BBS9: variants seen among roughly 807,000 people sequenced by gnomAD.
BBS9 encodes the protein protein PTHB1.
BBS9 carries 89 observed loss-of-function variants against 117.7 expected under a neutral mutation model. That is an observed-to-expected ratio of 0.76 (90% CI 0.64 to 0.90). The LOEUF is 0.90. Ranked by LOEUF, BBS9 falls within the 40% of genes least tolerant of loss-of-function variation. The pLI is 0.00. For missense variants in BBS9, 982 were observed against 1,042.2 expected (o/e 0.94, Z 0.80); for synonymous variants, 379 against 370.9 (o/e 1.02, Z -0.25).
chr7:33,603,704 A>G (rs1424035059), intron 21 of BBS9, among the ~76,000 whole-genome samples: 1 of 152,080 alleles, frequency 6.6e-6, no homozygotes, highest in Non-Finnish European at 1.5e-5. Flanking sequence ...ATTTTCGGGT[A>G]TGGCTGGGCA....
intron 5 of BBS9, among the ~76,000 whole-genome samples, chr7:33,226,773 A>G (rs75904557): frequency 0.028 from 4,314 of 152,280 alleles, 155 homozygotes; most frequent in African/African-American, 0.077. Flanking sequence ...TGTTAAGTGA[A>G]ATAAGCCAGT....
At chr7:33,408,569 C>T (rs544523329) in intron 19 of BBS9, among the ~76,000 whole-genome samples, 20 of 152,186 alleles carry the variant, frequency 1.3e-4, no homozygotes, top group South Asian at 6.2e-4. Context: ...TGTTCCTATT[C>T]GGCCATCTTG....
At chr7:33,493,061 C>G (rs1844233579) in intron 19 of BBS9, among the ~76,000 whole-genome samples, 1 of 152,044 alleles carries the variant, frequency 6.6e-6, no homozygotes, top group East Asian at 1.9e-4. Flanking sequence ...GTGGTGCATT[C>G]TTGGCTCACT....
rs554504837 is a variant in BBS9 at position 33,534,203 on chromosome 7, T to A, written c.2521+27T>A. On this transcript the variant is annotated intron_variant, in intron 21 of 22. Transcript: ENST00000242067. The stretch of plus-strand genomic sequence containing the variant: ...TAAGAGCTCTGTCCATGCTCCCTAA[T>A]CACAATTGTACTTCTCCTAAATTAG... 19 of 1,599,594 alleles carry A rather than the reference T, an allele frequency of 1.2e-5. No homozygotes were observed. The African/African-American group carries it at 1.2e-4, about 10-fold the overall frequency.
At chr7:33,439,054 A>G (rs975833124) in intron 19 of BBS9, among the ~76,000 whole-genome samples, 35 of 152,176 alleles carry the variant, frequency 2.3e-4, no homozygotes, top group Admixed American at 2.2e-3. Context: ...CAAACAGCCA[A>G]AAATGCCTGT....
chr7:33,344,150 C>T (rs1202059019), intron 11 of BBS9, among the ~76,000 whole-genome samples: 7 of 130,268 alleles, frequency 5.4e-5, no homozygotes, highest in Non-Finnish European at 9.3e-5. Flanking sequence ...GGCGTGATCT[C>T]GGCTCACTGC....
At chr7:33,502,452 G>A (rs1845589692) in intron 19 of BBS9, among the ~76,000 whole-genome samples, 4 of 152,106 alleles carry the variant, frequency 2.6e-5, no homozygotes, top group Admixed American at 1.3e-4. Flanking sequence ...GGATACAATA[G>A]GCATAAATAA....
intron 5 of BBS9, among the ~76,000 whole-genome samples, chr7:33,180,310 C>T (rs1030923264): frequency 6.6e-6 from 1 of 152,030 alleles, no homozygotes; most frequent in African/African-American, 2.4e-5. Context: ...CTCACCATTG[C>T]TCCATCTGCA....
chr7:33,297,157 G>T (rs967580089), intron 9 of BBS9, among the ~76,000 whole-genome samples: 5 of 152,098 alleles, frequency 3.3e-5, no homozygotes, highest in African/African-American at 1.2e-4. Flanking sequence ...ATGACTCCAG[G>T]AGATGACCTG....
At position 33,586,916 on chromosome 7, in the gene BBS9, A is replaced by G. The variant is rs117179697; in HGVS notation, c.2522-17949A>G. Among the ~76,000 whole-genome samples, 1,515 of 152,168 alleles carry G rather than the reference A, an allele frequency of 1.0e-2. 16 individuals carry two copies. The highest frequency in any genetic ancestry group is 0.024 in the Middle Eastern group (7 of 294). ...TGTAAGATCAGGGAGGGCAGGAGTG[A>G]AGGTTAATAAAAGCTACCTGTTGGG... On this transcript the variant is annotated intron_variant, in intron 21 of 22. Coordinates refer to ENST00000242067, the MANE Select transcript of BBS9 (RefSeq NM_198428.3).
intron 20 of BBS9, among the ~76,000 whole-genome samples, chr7:33,527,965 G>C (rs1849905824): frequency 6.6e-6 from 1 of 152,008 alleles, no homozygotes; most frequent in Non-Finnish European, 1.5e-5. Flanking sequence ...TATTTGTTCT[G>C]GGGTTTACAA....
At chr7:33,479,843 T>C (rs913590235) in intron 19 of BBS9, among the ~76,000 whole-genome samples, 1 of 152,208 alleles carries the variant, frequency 6.6e-6, no homozygotes, top group African/African-American at 2.4e-5. Flanking sequence ...TTTTTTTATA[T>C]ATTTGTTGGC....
intron 10 of BBS9, among the ~76,000 whole-genome samples, chr7:33,339,194 C>T (rs185902286): frequency 1.7e-4 from 26 of 152,208 alleles, no homozygotes; most frequent in Admixed American, 1.2e-3. Flanking sequence ...CCTTCTATCT[C>T]GGAGTCATAT....
intron 17 of BBS9, among the ~76,000 whole-genome samples, chr7:33,377,788 A>G (rs1021794744): frequency 2.0e-5 from 3 of 152,128 alleles, no homozygotes; most frequent in Non-Finnish European, 4.4e-5. Context: ...TGTGGTAATT[A>G]TGAATGGGAT....
At chr7:33,221,711 T>C (rs111316008) in intron 5 of BBS9, among the ~76,000 whole-genome samples, 1 of 152,216 alleles carries the variant, frequency 6.6e-6, no homozygotes, top group Non-Finnish European at 1.5e-5. Flanking sequence ...TAATTGTTTG[T>C]AAACTGTTTA....
chr7:33,395,187 T>G (rs1827737822), intron 19 of BBS9, among the ~76,000 whole-genome samples: 1 of 152,122 alleles, frequency 6.6e-6, no homozygotes, highest in African/African-American at 2.4e-5. Context: ...TTTTGGAGAG[T>G]TCCCTCAATT....
At chr7:33,279,805 C>T (rs1801473625) in intron 9 of BBS9, among the ~76,000 whole-genome samples, 2 of 152,054 alleles carry the variant, frequency 1.3e-5, no homozygotes. Context: ...GAAATCAATA[C>T]ACAGGTTACA....
chr7:33,451,860 G>T (rs1040974358), intron 19 of BBS9, among the ~76,000 whole-genome samples: 1 of 152,032 alleles, frequency 6.6e-6, no homozygotes, highest in African/African-American at 2.4e-5. Context: ...TTGAAACAGA[G>T]TCTTGCTCTG....
intron 19 of BBS9, among the ~76,000 whole-genome samples, chr7:33,410,499 C>T (rs1830919311): frequency 1.3e-5 from 2 of 152,158 alleles, no homozygotes; most frequent in South Asian, 4.1e-4. Context: ...CTCTCTGTCA[C>T]TCTCCCAGGA....
Sources: allele counts gnomAD v4.1 joint callset (sites outside exome capture counted in the v4.1 genomes callset), GRCh38; gene constraint gnomAD v4.1.1; transcripts MANE v1.5; gene names NCBI Gene and HGNC (gene_info 2026-07-23, HGNC 2026-07-21).